Variants in ROBO2 observed in about 807,000 individuals in gnomAD.
ROBO2 encodes the protein roundabout homolog 2.
Under a neutral mutation model 160.8 loss-of-function variants are expected in ROBO2, and 53 were observed. That is an observed-to-expected ratio of 0.33 (90% confidence interval 0.26 to 0.41). ROBO2 has a LOEUF of 0.41. Among genes scored for constraint, ROBO2 ranks in the 10% least tolerant of loss-of-function variants. The pLI is 1.00. For synonymous variants in ROBO2, 664 were observed against 611.7 expected (o/e 1.09, Z -1.26); for missense variants, 1,577 against 1,722.4 (o/e 0.92, Z 1.49).
At chr3:76,384,993 G>A (rs983395962) in intron 2 of ROBO2, among the ~76,000 whole-genome samples, 3 of 152,062 alleles carry the variant, frequency 2.0e-5, no homozygotes, top group Admixed American at 6.5e-5. Context: ...CTTTTGTTTT[G>A]TTGTTTTTGA....
At chr3:76,385,609 A>T (rs1027393348) in intron 2 of ROBO2, among the ~76,000 whole-genome samples, 1 of 152,244 alleles carries the variant, frequency 6.6e-6, no homozygotes, top group Non-Finnish European at 1.5e-5. Flanking sequence ...AATTTGCATA[A>T]TCACATAATT....
At chr3:76,279,770 T>C (rs902343191) in intron 2 of ROBO2, among the ~76,000 whole-genome samples, 6 of 151,970 alleles carry the variant, frequency 3.9e-5, no homozygotes, top group Non-Finnish European at 5.9e-5. Flanking sequence ...ACGTAACACA[T>C]AACATAAAAG....
chr3:76,556,245 T>C (rs1357452975), intron 2 of ROBO2, among the ~76,000 whole-genome samples: 2 of 152,210 alleles, frequency 1.3e-5, no homozygotes, highest in Non-Finnish European at 2.9e-5. Context: ...TATGTATTAA[T>C]GAAGAAATCC....
intron 2 of ROBO2, among the ~76,000 whole-genome samples, chr3:76,343,529 T>G (rs1391782078): frequency 6.6e-6 from 1 of 151,820 alleles, no homozygotes; most frequent in Non-Finnish European, 1.5e-5. Context: ...AGAGAAATGC[T>G]CTCAGGTTAG....
chr3:77,263,004 C>A (rs887988233), intron 2 of ROBO2, among the ~76,000 whole-genome samples: 1 of 152,138 alleles, frequency 6.6e-6, no homozygotes, highest in South Asian at 2.1e-4. Flanking sequence ...CACTGAGACA[C>A]AATGCTTAGA....
chr3:76,726,004 A>C (rs2093546203), intron 2 of ROBO2, among the ~76,000 whole-genome samples: 1 of 152,216 alleles, frequency 6.6e-6, no homozygotes, highest in Admixed American at 6.5e-5. Flanking sequence ...ATGTGTGTTC[A>C]AGATTGGGTC....
intron 2 of ROBO2, among the ~76,000 whole-genome samples, chr3:76,525,351 A>G (rs1305984168): frequency 1.3e-5 from 2 of 151,938 alleles, no homozygotes; most frequent in Admixed American, 1.3e-4. Flanking sequence ...TTTCTTCTAA[A>G]TAGCTTATAA....
intron 2 of ROBO2, among the ~76,000 whole-genome samples, chr3:76,211,918 A>G (rs1703170974): frequency 1.3e-5 from 2 of 152,012 alleles, no homozygotes; most frequent in South Asian, 4.1e-4. Context: ...TGCTTTAAAC[A>G]TGTTTCTTTT....
At chr3:77,277,153 T>C (rs71322788) in intron 2 of ROBO2, among the ~76,000 whole-genome samples, 3,136 of 114,358 alleles carry the variant, frequency 0.027, 44 homozygotes, top group African/African-American at 0.045. Flanking sequence ...TCTTTCCTTC[T>C]TTCCTTCTTT....
In ROBO2 at chr3:75,999,536, G is replaced by A. The variant is rs116590093; in HGVS notation, c.109+61934G>A. 5.2e-3 allele frequency among the ~76,000 whole-genome samples: 789 copies of A among 152,014 alleles called. 2 individuals carry two copies. The highest frequency in any genetic ancestry group is 0.01 in the African/African-American group (433 of 41,478). ...CTTAGCCATAGGAGTTTAATATTAC[G>A]TTATAAAGATATTTCAACTGGAAAG... On this transcript the variant is annotated intron_variant, in intron 2 of 26. Coordinates refer to the ROBO2 transcript ENST00000487694.
intron 21 of ROBO2, among the ~76,000 whole-genome samples, chr3:77,613,772 A>C (rs2094703817): frequency 6.6e-6 from 1 of 152,224 alleles, no homozygotes; most frequent in Non-Finnish European, 1.5e-5. Context: ...AAAAGGTATT[A>C]TAAACATGTG....
chr3:76,917,288 A>G (rs2076381470), intron 2 of ROBO2, among the ~76,000 whole-genome samples: 1 of 152,102 alleles, frequency 6.6e-6, no homozygotes, highest in South Asian at 2.1e-4. Context: ...AGCAAGAGTG[A>G]TTTCTTTTCT....
intron 2 of ROBO2, among the ~76,000 whole-genome samples, chr3:77,229,482 C>A (rs966116349): frequency 1.3e-5 from 2 of 151,372 alleles, no homozygotes; most frequent in African/African-American, 4.9e-5. Flanking sequence ...TAAAATTATT[C>A]TTTTATTCTA....
chr3:77,156,640 CA>C lies in ROBO2; in HGVS notation c.388+58301del, dbSNP rs201832672. The stretch of plus-strand genomic sequence containing the variant: ...ACATTTTTAAGCTCCTGTAATATTG[CA>C]GGCATTTTACTTTAGTAAAATAGTA... On this transcript the variant is annotated intron_variant, in intron 2 of 25. Coordinates refer to ENST00000461745, the Ensembl canonical transcript of ROBO2. 6.9e-3 allele frequency among the ~76,000 whole-genome samples: 1,043 copies of C among 151,804 alleles called. 5 individuals carry two copies. The highest frequency in any genetic ancestry group is 0.017 in the Middle Eastern group (5 of 294).
At chr3:77,345,669 T>G (rs191820103) in intron 2 of ROBO2, among the ~76,000 whole-genome samples, 64 of 152,262 alleles carry the variant, frequency 4.2e-4, no homozygotes, top group African/African-American at 1.5e-3. Flanking sequence ...TTTCTTCTGA[T>G]TAGGCACTTA....
intron 2 of ROBO2, among the ~76,000 whole-genome samples, chr3:76,391,540 G>T (rs2077152808): frequency 6.6e-6 from 1 of 150,912 alleles, no homozygotes; most frequent in African/African-American, 2.4e-5. Context: ...TTTTGAGATG[G>T]AATCTCGCTC....
chr3:76,492,385 C>T lies in ROBO2; in HGVS notation c.109+554783C>T, dbSNP rs796905970. ...TATGTGTTCGCTCCTTTTGACCATGCATGTTCTCTCATAGACTCTGCCCAT... is the reference window on the plus strand; with the variant it reads ...TATGTGTTCGCTCCTTTTGACCATGTATGTTCTCTCATAGACTCTGCCCAT... On this transcript the variant is annotated intron_variant, in intron 2 of 26. Transcript: ENST00000487694. Among the ~76,000 whole-genome samples, 3 of 152,106 alleles carry T rather than the reference C, an allele frequency of 2.0e-5. No individual in the cohort carries two copies. The East Asian group carries it at 5.8e-4, about 29-fold the overall frequency.
At chr3:76,118,632 A>G (rs2070581817) in intron 2 of ROBO2, among the ~76,000 whole-genome samples, 1 of 152,168 alleles carries the variant, frequency 6.6e-6, no homozygotes, top group South Asian at 2.1e-4. Flanking sequence ...GACACACAAG[A>G]AGAATATAGT....
intron 2 of ROBO2, among the ~76,000 whole-genome samples, chr3:77,139,935 A>G (rs1388575050): frequency 1.3e-5 from 2 of 152,198 alleles, no homozygotes; most frequent in Non-Finnish European, 1.5e-5. Flanking sequence ...ACCAAAACTC[A>G]GAGAGTATAT....
Sources: gnomAD v4.1 joint callset for allele counts (sites outside exome capture counted in the v4.1 genomes callset) on GRCh38, gnomAD v4.1.1 for gene constraint, MANE v1.5 for transcripts, NCBI Gene and HGNC (gene_info 2026-07-23, HGNC 2026-07-21) for gene names.